Variants in ANKH observed in about 807,000 individuals in gnomAD.
ANKH encodes ANKH inorganic pyrophosphate transport regulator.
In ANKH, 15 loss-of-function variants were observed where a neutral mutation model predicts 49.0. The observed-to-expected ratio is 0.31, with a 90% CI of 0.20 to 0.47. The LOEUF (loss-of-function observed/expected upper bound fraction) is 0.47, where lower values mean the gene tolerates loss of function less well. Among genes scored for constraint, ANKH ranks in the 20% least tolerant of loss-of-function variants. ANKH has a pLI of 1.00. For synonymous variants in ANKH, 273 were observed against 260.0 expected, an observed-to-expected ratio of 1.05 and a Z score of -0.48; for missense variants, 429 against 652.0, an observed-to-expected ratio of 0.66 and a Z score of 3.72.
chr5:14,751,078 C>T lies in ANKH; in HGVS notation c.678G>A (p.Pro226=), dbSNP rs780167235. The change falls in exon 5 of 12, where the codon CCG becomes CCA. Residue 226 remains proline (P), a synonymous_variant. Coordinates refer to ENST00000284268, the MANE Select transcript of ANKH (RefSeq NM_054027.6). ...IHDIIPDRSG[P]ELGGDATIRK... ...GGGTTGGTAGACGTACCCCCAGCTCCGGGCCACTTCTGTCAGGGATGATGT... is the reference window on the plus strand; with the variant it reads ...GGGTTGGTAGACGTACCCCCAGCTCTGGGCCACTTCTGTCAGGGATGATGT... 2.1e-5 allele frequency: 34 copies of T among 1,614,096 alleles called. No homozygotes were observed. Among genetic ancestry groups the T allele is most frequent in the Middle Eastern group, 1.6e-4 (1 of 6,084 alleles).
intron 1 of ANKH, among the ~76,000 whole-genome samples, chr5:14,801,068 GTCACTTGCTT>G (rs1441783765): frequency 6.6e-6 from 1 of 152,176 alleles, no homozygotes; most frequent in African/African-American, 2.4e-5. Context: ...AAAAGTGTGT[GTCACTTGCTT>G]TCATGTGGAA....
chr5:14,796,685 A>G (rs1192627421), intron 1 of ANKH, among the ~76,000 whole-genome samples: 2 of 152,180 alleles, frequency 1.3e-5, no homozygotes, highest in African/African-American at 4.8e-5. Flanking sequence ...GTAGGAATCT[A>G]TATGACTTGA....
At chr5:14,833,125 A>C (rs1741550616) in intron 1 of ANKH, among the ~76,000 whole-genome samples, 1 of 152,208 alleles carries the variant, frequency 6.6e-6, no homozygotes, top group African/African-American at 2.4e-5. Context: ...TCTAGGCATG[A>C]TGGCTTCCCT....
At chr5:14,715,770 C>A (rs565755593) in intron 9 of ANKH, among the ~76,000 whole-genome samples, 17 of 152,320 alleles carry the variant, frequency 1.1e-4, no homozygotes, top group Non-Finnish European at 1.2e-4. Flanking sequence ...AACCATTCTG[C>A]AACCTGCTTT....
chr5:14,826,275 T>C (rs1741340431), intron 1 of ANKH, among the ~76,000 whole-genome samples: 2 of 152,214 alleles, frequency 1.3e-5, no homozygotes, highest in African/African-American at 4.8e-5. Context: ...GAACACCTCA[T>C]ATGGGATTAA....
At chr5:14,722,586 G>A (rs565762253) in intron 8 of ANKH, among the ~76,000 whole-genome samples, 6 of 152,252 alleles carry the variant, frequency 3.9e-5, no homozygotes, top group South Asian at 2.1e-4. Flanking sequence ...AGGAGCTTCC[G>A]AATGGCCAAA....
In ANKH at chr5:14,705,989, A is replaced by G. The variant is rs750560160; in HGVS notation, c.*5208T>C. On this transcript the variant is annotated 3_prime_UTR_variant, in exon 12 of 12. Coordinates refer to ENST00000284268, the MANE Select transcript of ANKH (RefSeq NM_054027.6). ...TATAGCTAGGGAACATTGCCTCTAA[A>G]TCTTATAGTGAGAATTTCCATGAGG... 2.0e-5 allele frequency: 3 copies of G among 152,112 alleles called. No homozygotes were observed. Among genetic ancestry groups the G allele is most frequent in the Non-Finnish European group, 2.9e-5 (2 of 68,010 alleles). The allele number at this position is 152,112 out of a possible 1,614,324, so 9.4% of individuals were successfully genotyped here.
intron 5 of ANKH, 44 bp downstream of exon 5, chr5:14,751,025 T>C: frequency 6.2e-7 from 1 of 1,604,552 alleles, no homozygotes; most frequent in Non-Finnish European, 8.5e-7. Flanking sequence ...AGTTTTATTC[T>C]ACTCTGAGTC....
chr5:14,771,972 C>T (rs1021387225), intron 1 of ANKH, among the ~76,000 whole-genome samples: 2 of 146,650 alleles, frequency 1.4e-5, no homozygotes, highest in African/African-American at 2.5e-5. Context: ...AACAAAAAAC[C>T]GTTCCCAATT....
At chr5:14,767,645 A>G (rs1486089840) in intron 2 of ANKH, among the ~76,000 whole-genome samples, 1 of 152,244 alleles carries the variant, frequency 6.6e-6, no homozygotes, top group African/African-American at 2.4e-5. Context: ...TTAGCTGTTT[A>G]GTCCCAAAGT....
At chr5:14,787,234 A>G (rs1309031484) in intron 1 of ANKH, among the ~76,000 whole-genome samples, 1 of 152,096 alleles carries the variant, frequency 6.6e-6, no homozygotes, top group Non-Finnish European at 1.5e-5. Flanking sequence ...GAATTGCTTG[A>G]ACCTGGGAGG....
chr5:14,827,433 T>A (rs1201235558), intron 1 of ANKH, among the ~76,000 whole-genome samples: 1 of 152,184 alleles, frequency 6.6e-6, no homozygotes, highest in Non-Finnish European at 1.5e-5. Flanking sequence ...GCTGCTAGTC[T>A]AGGCCTTTTA....
chr5:14,724,546 C>T lies in ANKH; in HGVS notation c.1012-7711G>A, dbSNP rs1440195016. ...ATCGCCAGCTTTACAGACAGAAGAC[C>T]CCTGGGTCTTACTATGCTACAGTCC... On this transcript the variant is annotated intron_variant, in intron 8 of 11. Transcript: ENST00000284268. 19 of 985,106 alleles carry T rather than the reference C, an allele frequency of 1.9e-5. No individual in the cohort carries two copies. In the Admixed American group the frequency reaches 1.2e-3, roughly 61 times the overall value. 61.0% of individuals were successfully genotyped at this position (985,106 alleles called of 1,614,324 possible).
At chr5:14,789,098 C>T (rs760620709) in intron 1 of ANKH, among the ~76,000 whole-genome samples, 4 of 152,012 alleles carry the variant, frequency 2.6e-5, no homozygotes, top group Non-Finnish European at 5.9e-5. Flanking sequence ...CATGGTGGTA[C>T]GTGCCTGTAG....
intron 1 of ANKH, among the ~76,000 whole-genome samples, chr5:14,803,262 A>C (rs201499961): frequency 8.2e-6 from 1 of 122,438 alleles, no homozygotes; most frequent in Non-Finnish European, 1.8e-5. Flanking sequence ...TTTAGTCTCT[A>C]TCTCTTTTTT....
At chr5:14,773,299 G>T (rs1441402161) in intron 1 of ANKH, among the ~76,000 whole-genome samples, 2 of 150,346 alleles carry the variant, frequency 1.3e-5, no homozygotes, top group Admixed American at 1.3e-4. Flanking sequence ...CATCTCATAG[G>T]GCACCTAAAT....
At chr5:14,742,992 C>A (rs1283514447) in intron 7 of ANKH, among the ~76,000 whole-genome samples, 1 of 152,234 alleles carries the variant, frequency 6.6e-6, no homozygotes, top group Non-Finnish European at 1.5e-5. Flanking sequence ...GAACACCTGG[C>A]TCCGCATCCA....
Position 14,770,395 on chromosome 5 carries a change from T to C in ANKH, c.97-1204A>G, listed in dbSNP as rs1054805457. On this transcript the variant is annotated intron_variant, in intron 1 of 11. Coordinates refer to ENST00000284268, the MANE Select transcript of ANKH (RefSeq NM_054027.6). This position sits in a 1 kb window ranked among gnomAD's most constrained non-coding sequence, Gnocchi z 4.1. ...GACCCCCAGTGAATGCCTGAAACCA[T>C]GGAAAGTACCTATGTTTTTTCCTAT... 7.9e-5 allele frequency among the ~76,000 whole-genome samples: 12 copies of C among 152,174 alleles called. No individual in the cohort carries two copies. Among genetic ancestry groups the C allele is most frequent in the African/African-American group, 2.9e-4 (12 of 41,428 alleles).
At position 14,828,565 on chromosome 5, in the gene ANKH, CTCT is replaced by C. The variant is rs540810967; in HGVS notation, c.96+42784_96+42786del. ...CAAACAAACAACAACAAAAAGTTTC[CTCT>C]TCTTTTCTTTTCTTTCTTCTTCTTT... On this transcript the variant is annotated intron_variant, in intron 1 of 11. Coordinates refer to ENST00000284268, the MANE Select transcript of ANKH (RefSeq NM_054027.6). 1.6e-4 allele frequency among the ~76,000 whole-genome samples: 24 copies of C among 152,090 alleles called. No homozygotes were observed. In the East Asian group the frequency reaches 3.1e-3, roughly 20 times the overall value.
Sources: allele counts gnomAD v4.1 joint callset (sites outside exome capture counted in the v4.1 genomes callset), GRCh38; gene constraint gnomAD v4.1.1; non-coding constraint Gnocchi (gnomAD v3.1); transcripts MANE v1.5; gene names NCBI Gene and HGNC (gene_info 2026-07-23, HGNC 2026-07-21).